SSH1: variants seen among roughly 807,000 people sequenced by gnomAD.
The protein encoded by SSH1 is slingshot protein phosphatase 1.
In SSH1, 43 loss-of-function variants were observed where a neutral mutation model predicts 79.7. The ratio of observed to expected loss-of-function variants is 0.54; its 90% CI spans 0.42 to 0.70. The LOEUF (loss-of-function observed/expected upper bound fraction) is 0.70. Ranked by LOEUF, SSH1 falls within the 30% of genes least tolerant of loss-of-function variation. The pLI is 0.00. For missense variants in SSH1, 1,206 were observed against 1,358.8 expected, an observed-to-expected ratio of 0.89 and a Z score of 1.77; for synonymous variants, 599 against 538.3, an observed-to-expected ratio of 1.11 and a Z score of -1.56.
intron 9 of SSH1, among the ~76,000 whole-genome samples, chr12:108,805,992 A>G (rs2037252350): frequency 6.6e-6 from 1 of 152,130 alleles, no homozygotes; most frequent in African/African-American, 2.4e-5. Flanking sequence ...AAACAGATCA[A>G]TGCTTCTCGG....
chr12:108,853,519 G>A (rs2039085368), intron 1 of SSH1, among the ~76,000 whole-genome samples: 1 of 152,078 alleles, frequency 6.6e-6, no homozygotes, highest in African/African-American at 2.4e-5. Context: ...GGCTGATCGA[G>A]GACAGAAATG....
At chr12:108,801,009 A>G in intron 11 of SSH1, 83 bp from the exon 12 acceptor site, 1 of 1,402,938 alleles carries the variant, frequency 7.1e-7, no homozygotes, top group Middle Eastern at 2.5e-4. Flanking sequence ...GGCAGAGAAA[A>G]GAAAAGGAAA....
intron 13 of SSH1, among the ~76,000 whole-genome samples, chr12:108,796,736 T>C (rs924934743): frequency 6.6e-6 from 1 of 152,186 alleles, no homozygotes; most frequent in African/African-American, 2.4e-5. Context: ...CTAGATGATA[T>C]AATTTTATTC....
At chr12:108,851,013 G>T (rs1259414963) in intron 2 of SSH1, among the ~76,000 whole-genome samples, 1 of 151,838 alleles carries the variant, frequency 6.6e-6, no homozygotes, top group African/African-American at 2.4e-5. Context: ...TCTGCAACTC[G>T]GCCCATGACT....
At chr12:108,837,126 G>C in intron 2 of SSH1, 1 of 342,212 alleles carries the variant, frequency 2.9e-6, no homozygotes, top group South Asian at 2.1e-5. Flanking sequence ...CAGCTACTTG[G>C]GGCGCTAAGG....
In SSH1 at chr12:108,787,803, CCTT is replaced by C. The variant is rs1592994428; in HGVS notation, c.*182_*184del. ...CCCAGGCCACACGACTGACAGCTCC[CCTT>C]CTTGTGCTGCATGTTGGTTAGTTTC... On this transcript the variant is annotated 3_prime_UTR_variant, in exon 15 of 15. Transcript: ENST00000326495. 1.1e-5 allele frequency: 8 copies of C among 759,610 alleles called. No individual in the cohort carries two copies. Among genetic ancestry groups the C allele is most frequent in the South Asian group, 3.7e-5 (2 of 54,742 alleles). The allele number at this position is 759,610 out of a possible 1,614,324, so 47.1% of individuals were successfully genotyped here.
chr12:108,832,735 G>A (rs941267165), intron 2 of SSH1, among the ~76,000 whole-genome samples: 4 of 152,208 alleles, frequency 2.6e-5, no homozygotes, highest in African/African-American at 9.7e-5. Flanking sequence ...TTGGGCCAAG[G>A]TCTCGTTCTT....
chr12:108,857,479 C>T lies in SSH1; in HGVS notation c.18G>A (p.Leu6=). ...CGGCGCTGGGCGTGGGCGAGCGCTG[C>T]AGGGTCACCAGGGCCATGGCTGCGG... MALVT[L]QRSPTPSAAS... Residue 6 remains leucine, a synonymous_variant, in exon 1 of 15, where the codon CTG becomes CTA. Transcript: ENST00000326495. This position sits in a 1 kb window ranked among gnomAD's most constrained non-coding sequence, Gnocchi z 4.7. The T allele has an allele frequency of 8.8e-7, 1 of 1,138,934 alleles. No homozygotes were observed. Among genetic ancestry groups the T allele is most frequent in the East Asian group, 9.6e-5 (1 of 10,460 alleles). 70.6% of individuals were successfully genotyped at this position (1,138,934 alleles called of 1,614,324 possible).
At chr12:108,826,465 T>A in intron 2 of SSH1, 1 of 210,516 alleles carries the variant, frequency 4.8e-6, no homozygotes, top group South Asian at 5.4e-5. Flanking sequence ...ATCCCGAAGC[T>A]GTGAGATCAC....
At position 108,788,711 on chromosome 12, in the gene SSH1, G is replaced by A; in HGVS notation, c.2427C>T (p.His809=). The A allele has an allele frequency of 6.2e-7, 1 of 1,614,236 alleles. No individual in the cohort carries two copies. The highest frequency in any genetic ancestry group is 1.1e-5 in the South Asian group (1 of 91,086). Residue 809 remains histidine (H), a synonymous_variant, in exon 15 of 15, where the codon CAC becomes CAT. Coordinates refer to ENST00000326495, the MANE Select transcript of SSH1 (RefSeq NM_018984.4). The part of the protein sequence containing the change: ...KPTTNSYLMQ[H]QESIIQLQKA... ...TCTGCAGCTGAATGATGGACTCCTGGTGCTGCATCAGGTAGCTGTTGGTTG... is the reference window on the plus strand; with the variant it reads ...TCTGCAGCTGAATGATGGACTCCTGATGCTGCATCAGGTAGCTGTTGGTTG...
chr12:108,848,092 C>A (rs764788624), intron 2 of SSH1, among the ~76,000 whole-genome samples: 5 of 152,054 alleles, frequency 3.3e-5, no homozygotes, highest in Admixed American at 6.6e-5. Flanking sequence ...CCACCAACGC[C>A]GGTGACGCTG....
At chr12:108,799,900 G>GGCA (rs2036914449) in intron 12 of SSH1, among the ~76,000 whole-genome samples, 2 of 152,204 alleles carry the variant, frequency 1.3e-5, no homozygotes, top group Non-Finnish European at 2.9e-5. Flanking sequence ...AGCCAGTAAG[G>GGCA]GCAGCACCTG....
chr12:108,811,457 A>C (rs1409770952), intron 5 of SSH1, 129 bp from the exon 6 acceptor site: 2 of 792,212 alleles, frequency 2.5e-6, no homozygotes, highest in Non-Finnish European at 4.5e-6. Context: ...CTGCATAGGA[A>C]CCGTTCACTG....
intron 13 of SSH1, among the ~76,000 whole-genome samples, chr12:108,794,396 G>A (rs1565973387): frequency 1.3e-5 from 2 of 152,212 alleles, no homozygotes; most frequent in East Asian, 3.9e-4. Flanking sequence ...AGGGGCCGCG[G>A]TGTACCTCTC....
chr12:108,815,630 C>G (rs1392390051), intron 5 of SSH1, among the ~76,000 whole-genome samples: 3 of 152,196 alleles, frequency 2.0e-5, no homozygotes, highest in Non-Finnish European at 4.4e-5. Context: ...TCTGAGAGCA[C>G]CTGCCTGGTG....
At position 108,821,394 on chromosome 12, in the gene SSH1, A is replaced by G. The variant is rs138496422; in HGVS notation, c.214+1864T>C. Among the ~76,000 whole-genome samples the G allele has an allele frequency of 6.6e-4, 100 of 152,190 alleles. 1 individual carries two copies. Among genetic ancestry groups the G allele is most frequent in the African/African-American group, 2.3e-3 (97 of 41,510 alleles). ...GGGCAAGAGAATGAGATCCGTCTCT[A>G]AAAAAACTTTTCATATAATTAAAAA... On this transcript the variant is annotated intron_variant, in intron 3 of 14. Transcript: ENST00000326495.
chr12:108,849,221 A>G (rs1463980727), intron 2 of SSH1, among the ~76,000 whole-genome samples: 2 of 152,218 alleles, frequency 1.3e-5, no homozygotes, highest in Non-Finnish European at 2.9e-5. Context: ...GGTCCCCTGC[A>G]GCTCCCAACT....
intron 2 of SSH1, among the ~76,000 whole-genome samples, chr12:108,836,582 T>C (rs1028901052): frequency 2.6e-5 from 4 of 152,172 alleles, no homozygotes; most frequent in African/African-American, 9.7e-5. Context: ...TAAGAGCAGA[T>C]TATAAACCAC....
chr12:108,846,870 A>C (rs1377563281), intron 2 of SSH1, among the ~76,000 whole-genome samples: 1 of 151,448 alleles, frequency 6.6e-6, no homozygotes, highest in Non-Finnish European at 1.5e-5. Context: ...CACAGCAACC[A>C]AGCCCACTGT....
Sources: allele counts gnomAD v4.1 joint callset (sites outside exome capture counted in the v4.1 genomes callset), GRCh38; gene constraint gnomAD v4.1.1; non-coding constraint Gnocchi (gnomAD v3.1); transcripts MANE v1.5; gene names NCBI Gene and HGNC (gene_info 2026-07-23, HGNC 2026-07-21).